The following MNAT1 variants were observed in gnomAD, a reference collection of about 807,000 sequenced individuals.
The protein encoded by MNAT1 is MNAT1 component of CDK activating kinase.
In MNAT1, 43 loss-of-function variants were observed where a neutral mutation model predicts 42.0. The ratio of observed to expected loss-of-function variants is 1.02; its 90% CI spans 0.80 to 1.32. The LOEUF is 1.32. Among genes scored for constraint, MNAT1 ranks in the 40% most tolerant of loss-of-function variants. MNAT1 has a pLI of 0.00. For synonymous variants in MNAT1, 118 were observed against 120.0 expected (o/e 0.98, Z 0.11); for missense variants, 306 against 350.4 (o/e 0.87, Z 1.01).
intron 6 of MNAT1, among the ~76,000 whole-genome samples, chr14:60,873,485 T>A (rs1410272082): frequency 6.6e-6 from 1 of 152,178 alleles, no homozygotes; most frequent in East Asian, 1.9e-4. Context: ...TATGTTTTAT[T>A]TGAGACAAGA....
At chr14:60,822,173 A>C (rs1276194920) in intron 6 of MNAT1, among the ~76,000 whole-genome samples, 1 of 152,186 alleles carries the variant, frequency 6.6e-6, no homozygotes, top group Non-Finnish European at 1.5e-5. Context: ...GCAGCATCAG[A>C]TCTACAACCT....
At chr14:60,902,539 C>T (rs1471494681) in intron 7 of MNAT1, among the ~76,000 whole-genome samples, 1 of 152,064 alleles carries the variant, frequency 6.6e-6, no homozygotes, top group East Asian at 1.9e-4. Flanking sequence ...AATTTGTGTA[C>T]ATTTGAAAAT....
At chr14:60,899,612 G>T (rs1204500946) in intron 7 of MNAT1, among the ~76,000 whole-genome samples, 1 of 152,058 alleles carries the variant, frequency 6.6e-6, no homozygotes, top group Non-Finnish European at 1.5e-5. Flanking sequence ...TTGTTTTCTT[G>T]TGTGGCCATA....
intron 1 of MNAT1, among the ~76,000 whole-genome samples, chr14:60,764,574 A>G (rs2030737169): frequency 6.6e-6 from 1 of 152,190 alleles, no homozygotes; most frequent in Non-Finnish European, 1.5e-5. Context: ...AAGATTTGAG[A>G]CAGATTTAGA....
intron 7 of MNAT1, among the ~76,000 whole-genome samples, chr14:60,914,326 A>G (rs916014333): frequency 6.6e-6 from 1 of 151,530 alleles, no homozygotes; most frequent in Non-Finnish European, 1.5e-5. Flanking sequence ...TACTGCACCC[A>G]CTGTCCTGCA....
intron 4 of MNAT1, among the ~76,000 whole-genome samples, chr14:60,810,917 A>G (rs1024156370): frequency 6.6e-6 from 1 of 152,108 alleles, no homozygotes; most frequent in African/African-American, 2.4e-5. Context: ...TTCCTTACTG[A>G]TCTTCTTTCT....
At chr14:60,940,204 T>A (rs542663337) in intron 7 of MNAT1, among the ~76,000 whole-genome samples, 1 of 152,284 alleles carries the variant, frequency 6.6e-6, no homozygotes, top group South Asian at 2.1e-4. Flanking sequence ...AGTCTGTGTC[T>A]TTTAATTGGA....
intron 7 of MNAT1, among the ~76,000 whole-genome samples, chr14:60,913,259 G>A (rs911966542): frequency 1.3e-5 from 2 of 151,888 alleles, no homozygotes. Flanking sequence ...TAACTTCTTT[G>A]CAATTGGTTT....
chr14:60,967,302 AG>A (rs976527204), intron 7 of MNAT1, among the ~76,000 whole-genome samples: 1 of 152,258 alleles, frequency 6.6e-6, no homozygotes, highest in Non-Finnish European at 1.5e-5. Flanking sequence ...TGAGTGAAAA[AG>A]GTTCCAAGTT....
intron 7 of MNAT1, among the ~76,000 whole-genome samples, chr14:60,888,292 A>C (rs1001352896): frequency 1.3e-5 from 2 of 151,920 alleles, no homozygotes; most frequent in Non-Finnish European, 2.9e-5. Flanking sequence ...GGCTGGTTCA[A>C]CATACACAAA....
At chr14:60,874,143 A>G (rs993138783) in intron 6 of MNAT1, among the ~76,000 whole-genome samples, 4 of 152,154 alleles carry the variant, frequency 2.6e-5, no homozygotes, top group Non-Finnish European at 4.4e-5. Flanking sequence ...CTCTCTTTTC[A>G]TATTAAACAT....
intron 6 of MNAT1, among the ~76,000 whole-genome samples, chr14:60,822,206 T>TG (rs1462059321): frequency 6.6e-6 from 1 of 152,220 alleles, no homozygotes; most frequent in East Asian, 1.9e-4. Flanking sequence ...ACAGAATAGT[T>TG]GCTGGTGGTC....
chr14:60,841,265 G>A (rs1360329163), intron 6 of MNAT1, among the ~76,000 whole-genome samples: 1 of 150,242 alleles, frequency 6.7e-6, no homozygotes, highest in African/African-American at 2.5e-5. Context: ...TATTTTTCTA[G>A]TCTATATTTT....
intron 7 of MNAT1, among the ~76,000 whole-genome samples, chr14:60,916,060 C>G (rs1255805309): frequency 6.6e-6 from 1 of 152,188 alleles, no homozygotes; most frequent in East Asian, 1.9e-4. Context: ...AGCAGGTCTT[C>G]TTCCTTAGGA....
intron 6 of MNAT1, among the ~76,000 whole-genome samples, chr14:60,828,842 A>G (rs1420107245): frequency 1.3e-5 from 2 of 152,110 alleles, no homozygotes; most frequent in East Asian, 3.9e-4. Context: ...ATGTCTACTG[A>G]TTTATTATAA....
Position 60,796,209 on chromosome 14 carries a change from C to T in MNAT1, c.90-8C>T, listed in dbSNP as rs377270949. On this transcript the variant is annotated splice_region_variant and splice_polypyrimidine_tract_variant and intron_variant, in intron 1 of 7. Transcript: ENST00000261245. ...CTTAAATGTTATGTTTTATTTCTGT[C>T]CTTACAGCTGTGAAAGTTGTGTAGA... The T allele has an allele frequency of 1.2e-6, 2 of 1,608,352 alleles. No individual in the cohort carries two copies. The highest frequency in any genetic ancestry group is 1.7e-6 in the Non-Finnish European group (2 of 1,177,488).
chr14:60,735,464 C>T (rs752113092), intron 1 of MNAT1, among the ~76,000 whole-genome samples: 62 of 152,174 alleles, frequency 4.1e-4, no homozygotes, highest in Non-Finnish European at 7.6e-4. Flanking sequence ...ATGAAGAAAA[C>T]CCGGACTGTA....
At chr14:60,887,834 A>C (rs946164730) in intron 7 of MNAT1, among the ~76,000 whole-genome samples, 2 of 152,082 alleles carry the variant, frequency 1.3e-5, no homozygotes, top group African/African-American at 4.8e-5. Flanking sequence ...ATGCAAATAA[A>C]CTAGAAAATC....
chr14:60,860,486 G>A (rs913052037), intron 6 of MNAT1, among the ~76,000 whole-genome samples: 1 of 150,964 alleles, frequency 6.6e-6, no homozygotes, highest in East Asian at 2.0e-4. Context: ...CTGAGTAGCT[G>A]GGACTACAGG....
Sources: gnomAD v4.1 joint callset for allele counts (sites outside exome capture counted in the v4.1 genomes callset) on GRCh38, gnomAD v4.1.1 for gene constraint, MANE v1.5 for transcripts, NCBI Gene and HGNC (gene_info 2026-07-23, HGNC 2026-07-21) for gene names.